The following FHIP1A variants were observed in gnomAD, a reference collection of about 807,000 sequenced individuals.
FHIP1A encodes FHF complex subunit HOOK-interacting protein 1A.
In FHIP1A, 61 loss-of-function variants were observed where a neutral mutation model predicts 88.6. That is an observed-to-expected ratio of 0.69 (90% CI 0.56 to 0.85). The LOEUF (loss-of-function observed/expected upper bound fraction) is 0.85. Among genes scored for constraint, FHIP1A ranks in the 40% least tolerant of loss-of-function variants. FHIP1A has a pLI of 0.00. For missense variants in FHIP1A, 1,154 were observed against 1,273.5 expected, an observed-to-expected ratio of 0.91 and a Z score of 1.43; for synonymous variants, 478 against 496.0, an observed-to-expected ratio of 0.96 and a Z score of 0.48.
At chr4:151,550,382 C>T (rs1464603748) in intron 3 of FHIP1A, among the ~76,000 whole-genome samples, 1 of 152,124 alleles carries the variant, frequency 6.6e-6, no homozygotes, top group African/African-American at 2.4e-5. Flanking sequence ...CCCCGAACCC[C>T]TATGTGTGTA....
chr4:151,586,949 G>T (rs1734239839), intron 6 of FHIP1A, 150 bp downstream of exon 6: 2 of 553,340 alleles, frequency 3.6e-6, no homozygotes, highest in Non-Finnish European at 5.7e-6. Flanking sequence ...GTCCTTGAAT[G>T]AGTGAAAATG....
At chr4:151,616,428 ATATC>A (rs1735519372) in intron 7 of FHIP1A, among the ~76,000 whole-genome samples, 1 of 140,392 alleles carries the variant, frequency 7.1e-6, no homozygotes. Flanking sequence ...AGAGACAAAT[ATATC>A]TTTCTTTCTT....
intron 1 of FHIP1A, among the ~76,000 whole-genome samples, chr4:151,438,249 G>A (rs1048519413): frequency 4.6e-5 from 7 of 152,100 alleles, no homozygotes; most frequent in African/African-American, 1.2e-4. Context: ...TACTACGTGT[G>A]TGTAATGGGA....
At chr4:151,457,151 GT>G (rs1728995164) in intron 2 of FHIP1A, among the ~76,000 whole-genome samples, 1 of 152,130 alleles carries the variant, frequency 6.6e-6, no homozygotes, top group East Asian at 1.9e-4. Context: ...AATTTTAACA[GT>G]TTTTTTCCCC....
chr4:151,550,453 T>G (rs1162458206), intron 3 of FHIP1A, among the ~76,000 whole-genome samples: 1 of 152,184 alleles, frequency 6.6e-6, no homozygotes, highest in Non-Finnish European at 1.5e-5. Context: ...TTTAAAATGG[T>G]AATTCAGTAT....
intron 1 of FHIP1A, among the ~76,000 whole-genome samples, chr4:151,434,338 A>G (rs1430143627): frequency 6.6e-6 from 1 of 152,220 alleles, no homozygotes; most frequent in Non-Finnish European, 1.5e-5. Flanking sequence ...GTTACTTACT[A>G]TATGAATGAG....
In FHIP1A at chr4:151,656,954, C is replaced by T; in HGVS notation, c.2869+56C>T. On this transcript the variant is annotated intron_variant, in intron 13 of 13. Coordinates refer to ENST00000435205, the MANE Select transcript of FHIP1A (RefSeq NM_001109977.3). This position sits in a 1 kb window ranked among gnomAD's most constrained non-coding sequence, Gnocchi z 4.2. ...TTAAATTCCTCCTCCACGTCCCTGG[C>T]CTACTGGCCTCAGTTCACAGATGCT... 6.7e-7 allele frequency: 1 copy of T among 1,497,164 alleles called. No individual in the cohort carries two copies. The highest frequency in any genetic ancestry group is 9.0e-7 in the Non-Finnish European group (1 of 1,115,498). The allele number at this position is 1,497,164 out of a possible 1,614,324, so 92.7% of individuals were successfully genotyped here.
chr4:151,488,188 G>C (rs898986246), intron 3 of FHIP1A, among the ~76,000 whole-genome samples: 9 of 152,172 alleles, frequency 5.9e-5, no homozygotes, highest in African/African-American at 2.2e-4. Flanking sequence ...TGTGGGCAAT[G>C]CTTTTCTTTT....
At chr4:151,559,411 T>TC (rs942147517) in intron 3 of FHIP1A, among the ~76,000 whole-genome samples, 33 of 152,166 alleles carry the variant, frequency 2.2e-4, no homozygotes, top group African/African-American at 7.5e-4. Flanking sequence ...TCTTCAGCTG[T>TC]CCCCCAGCCC....
At chr4:151,409,686 T>C (rs970923583) in intron 1 of FHIP1A, among the ~76,000 whole-genome samples, 11 of 151,956 alleles carry the variant, frequency 7.2e-5, no homozygotes, top group African/African-American at 2.4e-4. Flanking sequence ...GGAGGTGACT[T>C]CTAGGGTTTC....
intron 9 of FHIP1A, among the ~76,000 whole-genome samples, chr4:151,645,608 T>C (rs1736762056): frequency 6.6e-6 from 1 of 151,230 alleles, no homozygotes; most frequent in Non-Finnish European, 1.5e-5. Flanking sequence ...ATTGAAAGTT[T>C]GTGATCGTTC....
intron 3 of FHIP1A, among the ~76,000 whole-genome samples, chr4:151,497,403 C>T (rs970091265): frequency 5.3e-5 from 8 of 151,994 alleles, no homozygotes; most frequent in African/African-American, 1.9e-4. Flanking sequence ...TTTTATGGCC[C>T]ACTAGCTAAG....
At chr4:151,658,905 C>T (rs997483540) in intron 13 of FHIP1A, among the ~76,000 whole-genome samples, 4 of 152,102 alleles carry the variant, frequency 2.6e-5, no homozygotes, top group Admixed American at 6.6e-5. Context: ...TGCCTGAGCC[C>T]GTCTTAGCTA....
At chr4:151,452,902 A>G (rs1347735161) in intron 1 of FHIP1A, among the ~76,000 whole-genome samples, 1 of 151,358 alleles carries the variant, frequency 6.6e-6, no homozygotes, top group African/African-American at 2.4e-5. Flanking sequence ...TATTTCTAGT[A>G]TTTACCTTTT....
chr4:151,595,972 A>G (rs1734631592), intron 7 of FHIP1A, among the ~76,000 whole-genome samples: 1 of 152,116 alleles, frequency 6.6e-6, no homozygotes, highest in African/African-American at 2.4e-5. Flanking sequence ...TCTTAACTCT[A>G]TCCAATTTGC....
At chr4:151,423,845 A>G (rs1370264703) in intron 1 of FHIP1A, among the ~76,000 whole-genome samples, 9 of 152,224 alleles carry the variant, frequency 5.9e-5, no homozygotes, top group Non-Finnish European at 1.3e-4. Context: ...AATTGTACAG[A>G]AAGGAAGTTT....
intron 3 of FHIP1A, among the ~76,000 whole-genome samples, chr4:151,552,063 A>T (rs1044999219): frequency 6.6e-6 from 1 of 152,216 alleles, no homozygotes; most frequent in Non-Finnish European, 1.5e-5. Context: ...GCAGCCAAAA[A>T]ACAAATGAAA....
chr4:151,462,039 A>G (rs916545622), intron 2 of FHIP1A, among the ~76,000 whole-genome samples: 1 of 152,122 alleles, frequency 6.6e-6, no homozygotes, highest in African/African-American at 2.4e-5. Context: ...GTGCATGCCT[A>G]TAGTCCCAGC....
At chr4:151,515,988 G>C (rs892447699) in intron 3 of FHIP1A, among the ~76,000 whole-genome samples, 1 of 152,124 alleles carries the variant, frequency 6.6e-6, no homozygotes, top group South Asian at 2.1e-4. Flanking sequence ...AGCCCACATC[G>C]CCAAGTCAAT....
Sources: gnomAD v4.1 joint callset for allele counts (sites outside exome capture counted in the v4.1 genomes callset) on GRCh38, gnomAD v4.1.1 for gene constraint, Gnocchi (gnomAD v3.1) non-coding constraint, MANE v1.5 for transcripts, NCBI Gene and HGNC (gene_info 2026-07-23, HGNC 2026-07-21) for gene names.